Variants in GRM3 observed in about 807,000 individuals in gnomAD.
GRM3 encodes glutamate metabotropic receptor 3.
In GRM3, 26 loss-of-function variants were observed where a neutral mutation model predicts 70.5. The observed-to-expected ratio is 0.37, with a 90% CI of 0.27 to 0.51. The LOEUF is 0.51. GRM3 is among the 20% of genes least tolerant of loss of function. The pLI is 0.93. For missense variants in GRM3, 859 were observed against 1,123.8 expected (o/e 0.76, Z 3.37); for synonymous variants, 443 against 434.9 (o/e 1.02, Z -0.23).
At chr7:86,768,771 A>C (rs555570224) in intron 2 of GRM3, among the ~76,000 whole-genome samples, 9 of 152,040 alleles carry the variant, frequency 5.9e-5, no homozygotes, top group Non-Finnish European at 1.0e-4. Flanking sequence ...ACATTTCCTG[A>C]CTAGTCAGAC....
chr7:86,655,213 A>T (rs1002711415), intron 1 of GRM3, among the ~76,000 whole-genome samples: 2 of 152,168 alleles, frequency 1.3e-5, no homozygotes, highest in African/African-American at 4.8e-5. Flanking sequence ...TTCATTTAGA[A>T]TGTGTTTTCT....
intron 3 of GRM3, among the ~76,000 whole-genome samples, chr7:86,799,479 A>G (rs6977175): frequency 0.38 from 58,236 of 151,788 alleles, 13,060 homozygotes; most frequent in African/African-American, 0.63. Flanking sequence ...GATATTGCCT[A>G]TGGGTTTGTT....
chr7:86,644,959 C>T (rs755355740), intron 1 of GRM3, 87 bp downstream of exon 1: 2 of 657,028 alleles, frequency 3.0e-6, no homozygotes, highest in Non-Finnish European at 2.3e-6. Flanking sequence ...CAGGCGCAGC[C>T]GGGAAAGTTG....
At chr7:86,817,889 C>G (rs115287703) in intron 3 of GRM3, among the ~76,000 whole-genome samples, 202 of 152,098 alleles carry the variant, frequency 1.3e-3, no homozygotes, top group African/African-American at 4.7e-3. Flanking sequence ...AAAGCAACTA[C>G]CTGAGGTGCA....
chr7:86,814,163 C>G (rs1261449614), intron 3 of GRM3, among the ~76,000 whole-genome samples: 2 of 151,804 alleles, frequency 1.3e-5, no homozygotes, highest in African/African-American at 4.8e-5. Context: ...CGGTCACAGT[C>G]TGAATGTACT....
Position 86,728,500 on chromosome 7 carries a change from C to T in GRM3, c.-140-36506C>T, listed in dbSNP as rs1453259238. On this transcript the variant is annotated intron_variant, in intron 1 of 5. Transcript: ENST00000361669. ...CAGCCTCATCCCTTCCTTCTCCAGG[C>T]AATGGGGCTGTTAAGTAAATCAATG... is the stretch of plus-strand genomic sequence containing the variant. 2.6e-5 allele frequency among the ~76,000 whole-genome samples: 4 copies of T among 152,296 alleles called. No individual in the cohort carries two copies. In the East Asian group the frequency reaches 5.8e-4, roughly 22 times the overall value.
At chr7:86,685,133 CAATT>C (rs1267880734) in intron 1 of GRM3, among the ~76,000 whole-genome samples, 1 of 152,114 alleles carries the variant, frequency 6.6e-6, no homozygotes, top group African/African-American at 2.4e-5. Context: ...CTTCCATCCT[CAATT>C]AATGAACTAC....
intron 5 of GRM3, among the ~76,000 whole-genome samples, chr7:86,862,161 C>T (rs1384233355): frequency 6.6e-6 from 1 of 152,114 alleles, no homozygotes; most frequent in East Asian, 1.9e-4. Flanking sequence ...TCAGCTATGG[C>T]CACTGATTTT....
At chr7:86,801,781 T>C (rs1444747525) in intron 3 of GRM3, among the ~76,000 whole-genome samples, 2 of 152,180 alleles carry the variant, frequency 1.3e-5, no homozygotes, top group Non-Finnish European at 2.9e-5. Flanking sequence ...AGAAAAGGCT[T>C]CCTAAAAGTT....
At chr7:86,852,212 A>G (rs1337894527) in intron 5 of GRM3, among the ~76,000 whole-genome samples, 1 of 152,170 alleles carries the variant, frequency 6.6e-6, no homozygotes, top group Non-Finnish European at 1.5e-5. Context: ...CAGAGAGAAT[A>G]AAAAGAAGGT....
At position 86,839,542 on chromosome 7, in the gene GRM3, C is replaced by G; in HGVS notation, c.2028C>G (p.Gly676=). The G allele has an allele frequency of 6.2e-7, 1 of 1,607,258 alleles. No homozygotes were observed. Among genetic ancestry groups the G allele is most frequent in the Admixed American group, 1.7e-5 (1 of 59,552 alleles). ...IARIFDGVKN[G]AQRPKFISPS... is the part of the protein sequence containing the mutation. ...GCATCTTCGATGGGGTCAAGAATGG[C>G]GCTCAGAGGCCAAAATTCATCAGCC... The change falls in exon 4 of 6, where the codon GGC becomes GGG. Residue 676 remains glycine (G), a synonymous_variant. Transcript: ENST00000361669. This position sits in a 1 kb window ranked among gnomAD's most constrained non-coding sequence, Gnocchi z 4.5.
chr7:86,731,714 T>C lies in GRM3; in HGVS notation c.-140-33292T>C, dbSNP rs545628357. Among the ~76,000 whole-genome samples, 7 of 152,310 alleles carry C rather than the reference T, an allele frequency of 4.6e-5. 1 individual carries two copies. In the East Asian group the frequency reaches 1.3e-3, roughly 29 times the overall value. On this transcript the variant is annotated intron_variant, in intron 1 of 5. Coordinates refer to ENST00000361669, the MANE Select transcript of GRM3 (RefSeq NM_000840.3). Reference sequence around the variant, plus strand: ...TAACAGCATCATGTATGCTAGAATGTGAACATCTTGATGGTTACCTGTGTC... The same window carrying C: ...TAACAGCATCATGTATGCTAGAATGCGAACATCTTGATGGTTACCTGTGTC...
chr7:86,740,668 TGAAA>T (rs1236181739), intron 1 of GRM3, among the ~76,000 whole-genome samples: 2 of 152,206 alleles, frequency 1.3e-5, no homozygotes, highest in Non-Finnish European at 2.9e-5. Flanking sequence ...AGAGACAGGC[TGAAA>T]GAAAATTTCT....
rs946248329 is a variant in GRM3 at position 86,644,388 on chromosome 7, C to G, written c.-625C>G. 6.4e-6 allele frequency: 2 copies of G among 312,012 alleles called. No homozygotes were observed. The highest frequency in any genetic ancestry group is 1.3e-5 in the Non-Finnish European group (2 of 159,942). The allele number at this position is 312,012 out of a possible 1,614,324, so 19.3% of individuals were successfully genotyped here. A position where few individuals can be genotyped will look rare whatever the true frequency, so the allele number is the denominator to read the frequency against. Reference sequence around the variant, plus strand: ...GAGGTCCGTGCTTCTGCCAAGAGTCCCAATTAGATGCGACGGCTTCAGCCT... The same window carrying G: ...GAGGTCCGTGCTTCTGCCAAGAGTCGCAATTAGATGCGACGGCTTCAGCCT... On this transcript the variant is annotated 5_prime_UTR_variant, in exon 1 of 6. Transcript: ENST00000361669.
intron 4 of GRM3, among the ~76,000 whole-genome samples, chr7:86,848,475 G>A (rs751765651): frequency 3.7e-4 from 57 of 152,242 alleles, no homozygotes; most frequent in Non-Finnish European, 2.6e-4. Context: ...ACTAGAGGGC[G>A]TTTTCATCTT....
At chr7:86,854,062 T>C (rs1304021869) in intron 5 of GRM3, among the ~76,000 whole-genome samples, 5 of 152,176 alleles carry the variant, frequency 3.3e-5, no homozygotes, top group Admixed American at 3.3e-4. Flanking sequence ...TCAGATTCAA[T>C]GGGAAGTGCA....
intron 3 of GRM3, among the ~76,000 whole-genome samples, chr7:86,813,963 G>A (rs1198318281): frequency 3.3e-5 from 5 of 151,706 alleles, no homozygotes. Context: ...TAAATCATTT[G>A]GCTAGCTTCC....
intron 1 of GRM3, among the ~76,000 whole-genome samples, chr7:86,751,669 C>A (rs1660284287): frequency 6.6e-6 from 1 of 152,050 alleles, no homozygotes; most frequent in African/African-American, 2.4e-5. Context: ...AAATGTCAGG[C>A]AGTGTGTCAC....
At chr7:86,833,108 G>A (rs899970525) in intron 3 of GRM3, 2 of 981,484 alleles carry the variant, frequency 2.0e-6, no homozygotes, top group African/African-American at 3.5e-5. Flanking sequence ...CCCATGGTGA[G>A]ACTTAACTTG....
Sources: gnomAD v4.1 joint callset for allele counts (sites outside exome capture counted in the v4.1 genomes callset) on GRCh38, gnomAD v4.1.1 for gene constraint, Gnocchi (gnomAD v3.1) non-coding constraint, MANE v1.5 for transcripts, NCBI Gene and HGNC (gene_info 2026-07-23, HGNC 2026-07-21) for gene names.